The following MYO19 variants were observed in gnomAD, a reference collection of about 807,000 sequenced individuals.
MYO19 encodes the protein myosin XIX.
Under a neutral mutation model 129.2 loss-of-function variants are expected in MYO19, and 132 were observed. That is an observed-to-expected ratio of 1.02 (90% CI 0.89 to 1.18). MYO19 has a LOEUF of 1.18. Ranked by LOEUF, MYO19 falls within the 50% of genes most tolerant of loss-of-function variation. MYO19 has a pLI of 0.00. For missense variants in MYO19, 1,210 were observed against 1,216.7 expected (o/e 0.99, Z 0.08); for synonymous variants, 531 against 477.2 (o/e 1.11, Z -1.47).
chr17:36,527,628 A>G lies in MYO19; in HGVS notation c.223T>C (p.Leu75=). The change falls in exon 5 of 26, where the codon TTG becomes CTG. Residue 75 remains leucine (L), a synonymous_variant. Transcript: ENST00000614623. ...TGAGGAACAGGCTTGAAGGGGTTCA[A>G]GGCTACCAGGGTGCAGCCAGCATTG... ...YTNAGCTLVA[L]NPFKPVPQLY... The G allele has an allele frequency of 1.2e-6, 2 of 1,613,976 alleles. No homozygotes were observed. Among genetic ancestry groups the G allele is most frequent in the Non-Finnish European group, 1.7e-6 (2 of 1,179,868 alleles).
intron 11 of MYO19, 92 bp downstream of exon 11, chr17:36,513,337 G>A: frequency 6.2e-7 from 1 of 1,608,594 alleles, no homozygotes; most frequent in Non-Finnish European, 8.5e-7. Context: ...AGATCCTCAG[G>A]GAAAGACCAA....
rs1039632406 is a variant in MYO19, at chr17:36,495,751, A to G, written c.*500T>C. On this transcript the variant is annotated 3_prime_UTR_variant, in exon 26 of 26. Transcript: ENST00000614623. ...GTTAATAAAATCAAAACGTGATTCT[A>G]CTGTACATTGCATTATTCATAATTT... is the stretch of plus-strand genomic sequence containing the variant. 16 of 1,248,018 alleles carry G rather than the reference A, an allele frequency of 1.3e-5. No individual in the cohort carries two copies. The African/African-American group carries it at 1.9e-4, about 14-fold the overall frequency. The allele number at this position is 1,248,018 out of a possible 1,614,324, so 77.3% of individuals were successfully genotyped here. A position where few individuals can be genotyped will look rare whatever the true frequency, so the allele number is the denominator to read the frequency against.
chr17:36,541,967 CT>C (rs1842491557), intron 2 of MYO19: 1 of 152,020 alleles, frequency 6.6e-6, no homozygotes, highest in South Asian at 2.1e-4. Flanking sequence ...AAGCGTTTTC[CT>C]TGGGATATTG....
chr17:36,500,614 G>C, intron 23 of MYO19: 1 of 618,938 alleles, frequency 1.6e-6, no homozygotes, highest in East Asian at 2.8e-5. Context: ...ACTTCTTACA[G>C]AGCACCTTTG....
At position 36,509,140 on chromosome 17, in the gene MYO19, TG is replaced by T; in HGVS notation, c.1158-6del. 6.2e-7 allele frequency: 1 copy of T among 1,613,580 alleles called. No individual in the cohort carries two copies. The highest frequency in any genetic ancestry group is 1.3e-5 in the African/African-American group (1 of 75,028). The stretch of plus-strand genomic sequence containing the variant: ...GATACCAGCCAGTCAAACAACCTGT[TG>T]GGGGAAGAGAGTGGACTCTGGTAAG... On this transcript the variant is annotated splice_region_variant and splice_polypyrimidine_tract_variant and intron_variant, in intron 13 of 25. Transcript: ENST00000614623.
At chr17:36,512,681 A>G (rs1428740937) in intron 11 of MYO19, 1 of 1,289,070 alleles carries the variant, frequency 7.8e-7, no homozygotes, top group East Asian at 5.6e-5. Context: ...AGCAGCCCCC[A>G]TCTGGAGGTG....
At chr17:36,521,200 A>G (rs1427326281) in intron 6 of MYO19, among the ~76,000 whole-genome samples, 1 of 152,220 alleles carries the variant, frequency 6.6e-6, no homozygotes, top group Non-Finnish European at 1.5e-5. Context: ...AGCTACTTAC[A>G]GTGAGGCCCC....
rs1467682892 is a variant in MYO19 at position 36,513,420 on chromosome 17, T to A, written c.894+9A>T. On this transcript the variant is annotated intron_variant, in intron 11 of 25. Transcript: ENST00000614623. ...TGCCAAACTTAAGTGGCGTGGCTTT[T>A]CTTCTGACCTTAAAGATGTTGTTCT... is the stretch of plus-strand genomic sequence containing the variant. The A allele has an allele frequency of 3.7e-6, 6 of 1,614,058 alleles. No individual in the cohort carries two copies. The Admixed American group carries it at 1.0e-4, about 27-fold the overall frequency.
chr17:36,526,462 A>C (rs2073470142), intron 5 of MYO19, among the ~76,000 whole-genome samples: 1 of 152,066 alleles, frequency 6.6e-6, no homozygotes, highest in Non-Finnish European at 1.5e-5. Flanking sequence ...ATCTGTCTGT[A>C]CCTCCACCAC....
intron 5 of MYO19, among the ~76,000 whole-genome samples, chr17:36,526,443 A>C (rs1009759717): frequency 4.6e-5 from 7 of 152,064 alleles, no homozygotes; most frequent in Non-Finnish European, 1.0e-4. Flanking sequence ...TTACACCAAC[A>C]AGCTCATTAT....
chr17:36,514,230 G>A (rs573438628), intron 9 of MYO19, among the ~76,000 whole-genome samples: 1 of 152,338 alleles, frequency 6.6e-6, no homozygotes, highest in East Asian at 1.9e-4. Flanking sequence ...TCTGATGGAG[G>A]AGGTAAAACA....
intron 11 of MYO19, 48 bp from the exon 12 acceptor site, chr17:36,511,503 G>C: frequency 6.6e-7 from 1 of 1,514,198 alleles, no homozygotes. Flanking sequence ...GCGTGACGTG[G>C]GCCTACTCTG....
In MYO19 at chr17:36,511,072, A is replaced by G. The variant is rs1000458536; in HGVS notation, c.986-155T>C. The G allele has an allele frequency of 4.0e-5, 36 of 893,206 alleles. No individual in the cohort carries two copies. In the African/African-American group the frequency reaches 5.9e-4, roughly 15 times the overall value. The allele number at this position is 893,206 out of a possible 1,614,324, so 55.3% of individuals were successfully genotyped here. A position where few individuals can be genotyped will look rare whatever the true frequency, so the allele number is the denominator to read the frequency against. ...AAGTGACTCACCCAAAGGACTCCAT[A>G]AACAGCAGTCAGAACTCAAACCCAG... On this transcript the variant is annotated intron_variant, in intron 12 of 25. Transcript: ENST00000614623.
chr17:36,513,406 A>G (rs1354648678), intron 11 of MYO19, 23 bp downstream of exon 11: 1 of 1,614,022 alleles, frequency 6.2e-7, no homozygotes, highest in Admixed American at 1.7e-5. Context: ...GCCAAACTTA[A>G]GTGGCGTGGC....
chr17:36,538,081 A>T, upstream of MYO19: 1 of 1,614,222 alleles, frequency 6.2e-7, no homozygotes, highest in East Asian at 2.2e-5. Context: ...TTATATATGC[A>T]TAAGAACCGA....
In MYO19 at chr17:36,498,385, A is replaced by C. The variant is rs1387421626; in HGVS notation, c.2638T>G (p.Phe880Val). ...LANTAMGVGS[F>V]QRKLVVWACL... ...GCCCAGACCACTAATTTCCTCTGAAAGCTGCCTACACCCATAGCCGTATTG... is the reference window on the plus strand; with the variant it reads ...GCCCAGACCACTAATTTCCTCTGAACGCTGCCTACACCCATAGCCGTATTG... Residue 880 changes from phenylalanine to valine, a missense_variant, in exon 25 of 26, where the codon TTT (phenylalanine) becomes GTT (valine). Coordinates refer to ENST00000614623, the MANE Select transcript of MYO19 (RefSeq NM_001163735.2). 4.3e-6 allele frequency: 7 copies of C among 1,613,994 alleles called. No individual in the cohort carries two copies. The highest frequency in any genetic ancestry group is 5.9e-6 in the Non-Finnish European group (7 of 1,179,876).
At chr17:36,535,760 C>T (rs2074099844), upstream of MYO19, 2 of 152,182 alleles carry the variant, frequency 1.3e-5, no homozygotes, top group Non-Finnish European at 2.9e-5. Context: ...TGGGCTCAAG[C>T]GATCCTCCCG....
intron 6 of MYO19, among the ~76,000 whole-genome samples, chr17:36,516,744 T>G (rs1042392762): frequency 6.6e-6 from 1 of 152,256 alleles, no homozygotes; most frequent in Non-Finnish European, 1.5e-5. Context: ...AACTTCTAAT[T>G]GTTTGTGGCT....
At position 36,513,443 on chromosome 17, in the gene MYO19, T is replaced by A; in HGVS notation, c.880A>T (p.Asn294Tyr). 3 of 1,614,038 alleles carry A rather than the reference T, an allele frequency of 1.9e-6. No individual in the cohort carries two copies. Among genetic ancestry groups the A allele is most frequent in the Non-Finnish European group, 2.5e-6 (3 of 1,179,888 alleles). Residue 294 changes from asparagine to tyrosine, a missense_variant, in exon 11 of 26, where the codon AAC becomes TAC. Physicochemically the swap from Asn to Tyr is moderately radical, Grantham distance 143. Coordinates refer to ENST00000614623, the MANE Select transcript of MYO19 (RefSeq NM_001163735.2). ...LHLGIDTPTQ[N>Y]NIFKVLAGLL... ...TTTCTTCTGACCTTAAAGATGTTGT[T>A]CTGGGTAGGGGTGTCAATGCCCAAA...
Sources: allele counts gnomAD v4.1 joint callset (sites outside exome capture counted in the v4.1 genomes callset), GRCh38; gene constraint gnomAD v4.1.1; transcripts MANE v1.5; gene names NCBI Gene and HGNC (gene_info 2026-07-23, HGNC 2026-07-21).